The following MYO5B variants were observed in gnomAD, a reference collection of about 807,000 sequenced individuals.
MYO5B encodes myosin VB.
MYO5B carries 143 observed loss-of-function variants against 229.3 expected under a neutral mutation model. The ratio of observed to expected loss-of-function variants is 0.62; its 90% confidence interval spans 0.54 to 0.72. The LOEUF (loss-of-function observed/expected upper bound fraction) is 0.72, where lower values mean the gene tolerates loss of function less well. MYO5B is among the 30% of genes least tolerant of loss of function. The probability of loss-of-function intolerance (pLI) is 0.00; values close to 1 mark genes in which losing one functional copy is unlikely to be tolerated. For missense variants in MYO5B, 2,321 were observed against 2,331.0 expected, an observed-to-expected ratio of 1.00 and a Z score of 0.09; for synonymous variants, 918 against 885.2, an observed-to-expected ratio of 1.04 and a Z score of -0.66.
At chr18:49,852,626 G>C (rs1203598155) in intron 31 of MYO5B, among the ~76,000 whole-genome samples, 4 of 152,064 alleles carry the variant, frequency 2.6e-5, no homozygotes, top group Admixed American at 1.3e-4. Flanking sequence ...CACTCTACAG[G>C]CACGTTCAGC....
At chr18:50,194,127 C>A (rs2033265877) in intron 1 of MYO5B, among the ~76,000 whole-genome samples, 1 of 152,232 alleles carries the variant, frequency 6.6e-6, no homozygotes, top group Admixed American at 6.5e-5. Context: ...AATGCTCTTC[C>A]CTGGGGTCTC....
chr18:50,041,680 ATTT>A (rs564805297), intron 2 of MYO5B, among the ~76,000 whole-genome samples: 1 of 152,040 alleles, frequency 6.6e-6, no homozygotes, highest in African/African-American at 2.4e-5. Flanking sequence ...TTAAAAAAAA[ATTT>A]TTTTAACTGG....
In MYO5B at chr18:49,871,689, G is replaced by C. The variant is rs16951168; in HGVS notation, c.3603+478C>G. ...ACCAGCCAGAGTTATTTGTAGTCCT[G>C]TAAGTGACTGGCAGATAGGCTAAAT... On this transcript the variant is annotated intron_variant, in intron 27 of 39. Coordinates refer to ENST00000285039, the MANE Select transcript of MYO5B (RefSeq NM_001080467.3). The C allele has an allele frequency of 2.8e-3, 676 of 240,938 alleles. 7 individuals carry two copies. The highest frequency in any genetic ancestry group is 0.014 in the African/African-American group (629 of 45,188). 14.9% of individuals were successfully genotyped at this position (240,938 alleles called of 1,614,324 possible).
rs148997095 is a variant in MYO5B, at chr18:50,171,509, C to T, written c.27+23258G>A. Reference sequence around the variant, plus strand: ...ATGGAAAACTCAAGGTACATTCAGACGATTATGAGTGGGCTGATTCTGCTG... The same window carrying T: ...ATGGAAAACTCAAGGTACATTCAGATGATTATGAGTGGGCTGATTCTGCTG... On this transcript the variant is annotated intron_variant, in intron 1 of 39. Transcript: ENST00000285039. 2.4e-5 allele frequency among the ~76,000 whole-genome samples: 3 copies of T among 126,892 alleles called. 1 individual carries two copies. The highest frequency in any genetic ancestry group is 4.6e-4 in the East Asian group (2 of 4,386). 83.2% of individuals were successfully genotyped at this position (126,892 alleles called of 152,430 possible).
intron 21 of MYO5B, among the ~76,000 whole-genome samples, chr18:49,895,618 G>T (rs868721826): frequency 6.6e-6 from 1 of 152,118 alleles, no homozygotes; most frequent in African/African-American, 2.4e-5. Context: ...CAATCTAATC[G>T]CTGGCTTTGA....
chr18:49,982,561 A>T (rs1420479584), intron 8 of MYO5B, among the ~76,000 whole-genome samples: 1 of 152,156 alleles, frequency 6.6e-6, no homozygotes, highest in African/African-American at 2.4e-5. Context: ...GGAAGCAAAA[A>T]ATCTAAAAAC....
At chr18:49,980,627 G>A (rs1373659440) in intron 8 of MYO5B, 74 bp from the exon 9 acceptor site, 1 of 1,143,246 alleles carries the variant, frequency 8.7e-7, no homozygotes, top group Non-Finnish European at 1.3e-6. Context: ...CCCTTTTAAG[G>A]ACATTTTTTT....
chr18:50,089,207 G>A (rs764500255), intron 1 of MYO5B, among the ~76,000 whole-genome samples: 11 of 151,790 alleles, frequency 7.2e-5, no homozygotes, highest in East Asian at 5.8e-4. Flanking sequence ...GTGAAACCCC[G>A]TCTCTACTAA....
chr18:49,858,302 C>T (rs2024287003), intron 29 of MYO5B, among the ~76,000 whole-genome samples: 1 of 151,808 alleles, frequency 6.6e-6, no homozygotes, highest in Non-Finnish European at 1.5e-5. Context: ...ATGGCTGGTG[C>T]TTTAACCCAA....
chr18:50,190,691 A>T (rs2033214801), intron 1 of MYO5B, among the ~76,000 whole-genome samples: 2 of 152,236 alleles, frequency 1.3e-5, no homozygotes, highest in Admixed American at 6.5e-5. Context: ...GAGCAAGAAC[A>T]CATTTAATTG....
rs2023787963 is a variant in MYO5B, at chr18:49,822,941, C to T, written c.*3530G>A. The T allele has an allele frequency of 6.6e-6, 1 of 152,156 alleles. No individual in the cohort carries two copies. Among genetic ancestry groups the T allele is most frequent in the Admixed American group, 6.5e-5 (1 of 15,278 alleles). 9.4% of individuals were successfully genotyped at this position (152,156 alleles called of 1,614,324 possible). On this transcript the variant is annotated 3_prime_UTR_variant, in exon 40 of 40. Coordinates refer to ENST00000285039, the MANE Select transcript of MYO5B (RefSeq NM_001080467.3). ...GTGCAAAGTGGGAAAATATTTTCAT[C>T]AGTAGTCTTTCTTCCATGGTGTTGG...
At chr18:49,934,175 C>A (rs1416627443) in intron 16 of MYO5B, among the ~76,000 whole-genome samples, 1 of 152,198 alleles carries the variant, frequency 6.6e-6, no homozygotes, top group Non-Finnish European at 1.5e-5. Context: ...CACACCAGGC[C>A]CTCATCAGAA....
At position 49,841,365 on chromosome 18, in the gene MYO5B, C is replaced by G. The variant is rs768908812; in HGVS notation, c.4701G>C (p.Glu1567Asp). The G allele has an allele frequency of 3.7e-6, 6 of 1,614,126 alleles. No homozygotes were observed. Among genetic ancestry groups the G allele is most frequent in the Non-Finnish European group, 5.1e-6 (6 of 1,179,962 alleles). ...LHCLKQYSGD[E>D]GFMTQNTAKQ... ...CCTGGGTGCCTGGCTCCCCACTCACCTCATCCCCGCTGTACTGCTTCAGAC... is the reference window on the plus strand; with the variant it reads ...CCTGGGTGCCTGGCTCCCCACTCACGTCATCCCCGCTGTACTGCTTCAGAC... Residue 1567 changes from glutamate to aspartate, a missense_variant and splice_region_variant, in exon 35 of 40, where the codon GAG becomes GAC. Glu to Asp is a conservative substitution (Grantham distance 45, BLOSUM62 2). Transcript: ENST00000285039.
chr18:50,085,322 C>G (rs1468777529), intron 1 of MYO5B, among the ~76,000 whole-genome samples: 2 of 152,274 alleles, frequency 1.3e-5, no homozygotes, highest in East Asian at 1.9e-4. Context: ...AAATACTCAT[C>G]ATCACTGGCC....
chr18:50,086,009 TA>T (rs1039069334), intron 1 of MYO5B, among the ~76,000 whole-genome samples: 2 of 152,088 alleles, frequency 1.3e-5, no homozygotes, highest in African/African-American at 2.4e-5. Flanking sequence ...GGCACATGTA[TA>T]CATATGTAAC....
intron 14 of MYO5B, among the ~76,000 whole-genome samples, chr18:49,948,412 T>TG (rs377519331): frequency 1.3e-5 from 2 of 152,084 alleles, no homozygotes; most frequent in South Asian, 4.2e-4. Flanking sequence ...TCATTTTTTT[T>TG]GGAAGACAAC....
At chr18:50,193,771 A>G (rs1790436) in intron 1 of MYO5B, among the ~76,000 whole-genome samples, 133,878 of 152,348 alleles carry the variant, frequency 0.88, 58,910 homozygotes, top group Middle Eastern at 0.9. Context: ...AAAGGTGCAT[A>G]GGGCACATGT....
intron 21 of MYO5B, among the ~76,000 whole-genome samples, chr18:49,899,136 A>C (rs551007196): frequency 6.6e-6 from 1 of 152,264 alleles, no homozygotes; most frequent in South Asian, 2.1e-4. Context: ...CTGTTCTCAC[A>C]AATACCTTGG....
chr18:50,049,141 G>T (rs1286945518), intron 2 of MYO5B, among the ~76,000 whole-genome samples: 1 of 151,970 alleles, frequency 6.6e-6, no homozygotes, highest in Admixed American at 6.6e-5. Flanking sequence ...GACTTCTACA[G>T]ATTCTTGAAA....
Sources: gnomAD v4.1 joint callset for allele counts (sites outside exome capture counted in the v4.1 genomes callset) on GRCh38, gnomAD v4.1.1 for gene constraint, MANE v1.5 for transcripts, NCBI Gene and HGNC (gene_info 2026-07-23, HGNC 2026-07-21) for gene names.